LGSN: variants seen among roughly 807,000 people sequenced by gnomAD.
LGSN encodes the protein lengsin.
Under a neutral mutation model 19.5 loss-of-function variants are expected in LGSN, and 21 were observed. That is an observed-to-expected ratio of 1.07 (90% confidence interval 0.76 to 1.55). LGSN has a LOEUF of 1.55. LGSN is among the 40% of genes most tolerant of loss of function. The pLI is 0.00. For synonymous variants in LGSN, 257 were observed against 215.6 expected, an observed-to-expected ratio of 1.19 and a Z score of -1.68; for missense variants, 673 against 608.5, an observed-to-expected ratio of 1.11 and a Z score of -1.12.
chr6:63,416,637 C>T, the LGSN span, among the ~76,000 whole-genome samples: 6 of 151,780 alleles, frequency 4.0e-5, no homozygotes, highest in Admixed American at 2.0e-4. Context: ...AGTGCAATGA[C>T]GCAGTCTTGG....
the LGSN span, among the ~76,000 whole-genome samples, chr6:63,367,554 C>T: frequency 1.3e-5 from 2 of 151,328 alleles, no homozygotes; most frequent in Non-Finnish European, 2.9e-5. Flanking sequence ...GGATCTAGAA[C>T]TAGAAATACC....
At chr6:63,317,127 T>C (rs1759582413) in intron 1 of LGSN, among the ~76,000 whole-genome samples, 1 of 152,146 alleles carries the variant, frequency 6.6e-6, no homozygotes, top group African/African-American at 2.4e-5. Context: ...CATGTAAAAC[T>C]CTTTAAGGCT....
chr6:63,457,197 A>G, the LGSN span, among the ~76,000 whole-genome samples: 1 of 152,124 alleles, frequency 6.6e-6, no homozygotes, highest in East Asian at 1.9e-4. Flanking sequence ...TTGTAGATAT[A>G]TTTCTACTTT....
chr6:63,280,037 A>G lies in LGSN; in HGVS notation c.1514T>C (p.Leu505Ser), dbSNP rs376351902. Residue 505 changes from leucine to serine, a missense_variant, in exon 4 of 4, where the codon TTA becomes TCA. Coordinates refer to ENST00000370657, the MANE Select transcript of LGSN (RefSeq NM_016571.3). ...AGCTCTATTCTAAATAAAATACTCTAAGAATTTATTTCTCTCTGCAGCTAT... is the reference window on the plus strand; with the variant it reads ...AGCTCTATTCTAAATAAAATACTCTGAGAATTTATTTCTCTCTGCAGCTAT... ...EEIAAERNKF[L>S]EYFI The G allele has an allele frequency of 8.0e-5, 128 of 1,603,748 alleles. No homozygotes were observed. Among genetic ancestry groups the G allele is most frequent in the Non-Finnish European group, 1.0e-4 (122 of 1,175,394 alleles).
At chr6:63,390,859 CAAAAAAA>C in the LGSN span, among the ~76,000 whole-genome samples, 4 of 50,516 alleles carry the variant, frequency 7.9e-5, no homozygotes, top group East Asian at 2.0e-3. Flanking sequence ...GACTCCATCT[CAAAAAAA>C]AAAAAAAAAA....
the LGSN span, among the ~76,000 whole-genome samples, chr6:63,390,118 C>CTTTTTTT: frequency 6.0e-3 from 396 of 66,340 alleles, 10 homozygotes; most frequent in African/African-American, 0.014. Flanking sequence ...TTCTTTCTTT[C>CTTTTTTT]TTTTTTTTTT....
the LGSN span, among the ~76,000 whole-genome samples, chr6:63,368,222 C>G: frequency 6.6e-6 from 1 of 152,126 alleles, no homozygotes; most frequent in Admixed American, 6.5e-5. Context: ...TAAAGTGCAT[C>G]TTACAACAAC....
chr6:63,458,997 T>C, the LGSN span, among the ~76,000 whole-genome samples: 1 of 152,240 alleles, frequency 6.6e-6, no homozygotes, highest in Admixed American at 6.5e-5. Context: ...AAATACCATG[T>C]CGAGAATTAT....
chr6:63,295,159 T>C, intron 1 of LGSN, 114 bp from the exon 2 acceptor site: 1 of 948,666 alleles, frequency 1.1e-6, no homozygotes, highest in East Asian at 2.5e-5. Context: ...TAGAAGACTT[T>C]TATAATGATG....
the LGSN span, among the ~76,000 whole-genome samples, chr6:63,455,810 C>T: frequency 6.6e-6 from 1 of 152,044 alleles, no homozygotes; most frequent in Non-Finnish European, 1.5e-5. Context: ...CACAGTGGCT[C>T]AGGATTATCA....
chr6:63,539,431 CATT>C, the LGSN span, among the ~76,000 whole-genome samples: 3 of 152,144 alleles, frequency 2.0e-5, no homozygotes, highest in Non-Finnish European at 2.9e-5. Context: ...CATGTTTAAT[CATT>C]ATTCTTTATG....
At chr6:63,388,757 T>C in the LGSN span, among the ~76,000 whole-genome samples, 1 of 152,106 alleles carries the variant, frequency 6.6e-6, no homozygotes, top group Non-Finnish European at 1.5e-5. Context: ...ACGTAAATAA[T>C]GGCCAAGGGA....
At chr6:63,309,570 C>T (rs930152323) in intron 1 of LGSN, among the ~76,000 whole-genome samples, 11 of 151,642 alleles carry the variant, frequency 7.3e-5, no homozygotes, top group African/African-American at 2.7e-4. Flanking sequence ...GTTTTTTTGG[C>T]GTTTTCCTTT....
Position 63,281,304 on chromosome 6 carries a change from A to AATATATATATATATAT in LGSN, c.331-100_331-85dup, listed in dbSNP as rs1223943140. 5.2e-3 allele frequency: 710 copies of AATATATATATATATAT among 135,596 alleles called. 2 individuals carry two copies. Among genetic ancestry groups the AATATATATATATATAT allele is most frequent in the Non-Finnish European group, 6.3e-3 (443 of 70,490 alleles). The allele number at this position is 135,596 out of a possible 1,614,324, so 8.4% of individuals were successfully genotyped here. A position where few individuals can be genotyped will look rare whatever the true frequency, so the allele number is the denominator to read the frequency against. On this transcript the variant is annotated intron_variant, in intron 3 of 3. Transcript: ENST00000370657. ...GCGGCGGGAAAGCCTTGCTAATGAA[A>AATATATATATATATAT]ATATATATATATATATATATATATA... is the stretch of plus-strand genomic sequence containing the variant.
chr6:63,368,995 C>G, the LGSN span, among the ~76,000 whole-genome samples: 4 of 152,324 alleles, frequency 2.6e-5, no homozygotes, highest in South Asian at 8.3e-4. Context: ...CAGAGACTTT[C>G]CTTCACATTG....
At chr6:63,531,670 T>C in the LGSN span, among the ~76,000 whole-genome samples, 1 of 151,982 alleles carries the variant, frequency 6.6e-6, no homozygotes, top group East Asian at 1.9e-4. Flanking sequence ...TTCATACTTT[T>C]TTGTAGGGAT....
At chr6:63,454,984 G>A in the LGSN span, among the ~76,000 whole-genome samples, 9 of 150,458 alleles carry the variant, frequency 6.0e-5, no homozygotes, top group African/African-American at 2.2e-4. Flanking sequence ...GTAGAGACAG[G>A]GTTTCACCAC....
the LGSN span, among the ~76,000 whole-genome samples, chr6:63,346,561 C>G: frequency 6.6e-6 from 1 of 152,078 alleles, no homozygotes; most frequent in South Asian, 2.1e-4. Flanking sequence ...AAGTAAAGTG[C>G]TTTCCTGAGT....
intron 1 of LGSN, among the ~76,000 whole-genome samples, chr6:63,310,228 C>A (rs1284925143): frequency 2.6e-5 from 4 of 152,154 alleles, no homozygotes; most frequent in Non-Finnish European, 5.9e-5. Context: ...AATTAACCTG[C>A]AGGGTGGTTT....
Sources: gnomAD v4.1 joint callset for allele counts (sites outside exome capture counted in the v4.1 genomes callset) on GRCh38, gnomAD v4.1.1 for gene constraint, MANE v1.5 for transcripts, NCBI Gene and HGNC (gene_info 2026-07-23, HGNC 2026-07-21) for gene names.